The following RTN4 variants were observed in gnomAD, a reference collection of about 807,000 sequenced individuals.
RTN4 encodes the protein reticulon-4.
A neutral mutation model predicts 90.4 loss-of-function variants in RTN4; 32 were observed. That is an observed-to-expected ratio of 0.35 (90% CI 0.27 to 0.48). RTN4 has a LOEUF of 0.48. Among genes scored for constraint, RTN4 ranks in the 20% least tolerant of loss-of-function variants. The pLI is 0.99. For synonymous variants in RTN4, 629 were observed against 552.5 expected (o/e 1.14, Z -1.94); for missense variants, 1,706 against 1,430.2 (o/e 1.19, Z -3.11).
intron 2 of RTN4, among the ~76,000 whole-genome samples, chr2:55,062,325 C>CT (rs1668313569): frequency 6.6e-6 from 1 of 152,130 alleles, no homozygotes; most frequent in Non-Finnish European, 1.5e-5. Context: ...ATTGAGCTGA[C>CT]TAACACAAGC....
intron 4 of RTN4, among the ~76,000 whole-genome samples, chr2:54,984,270 G>C (rs1351773044): frequency 6.6e-6 from 1 of 152,036 alleles, no homozygotes; most frequent in African/African-American, 2.4e-5. Flanking sequence ...CTGAAATATA[G>C]ACACATGTAT....
At chr2:54,979,431 G>C (rs1677941041) in intron 5 of RTN4, among the ~76,000 whole-genome samples, 1 of 152,170 alleles carries the variant, frequency 6.6e-6, no homozygotes, top group African/African-American at 2.4e-5. Flanking sequence ...GCCATACACA[G>C]AAGTCTCTCT....
At chr2:55,072,965 C>T (rs1350977713) in intron 2 of RTN4, among the ~76,000 whole-genome samples, 1 of 152,182 alleles carries the variant, frequency 6.6e-6, no homozygotes, top group African/African-American at 2.4e-5. Context: ...AGTTGCTCGG[C>T]TCAGTTGCTC....
chr2:55,055,555 C>G (rs998592575), upstream of RTN4, among the ~76,000 whole-genome samples: 2 of 152,064 alleles, frequency 1.3e-5, no homozygotes, highest in Non-Finnish European at 1.5e-5. Flanking sequence ...ATCACGAGGT[C>G]AGGAGATCAG....
At chr2:55,023,959 T>C (rs2104850198) in intron 3 of RTN4, among the ~76,000 whole-genome samples, 1 of 152,310 alleles carries the variant, frequency 6.6e-6, no homozygotes, top group South Asian at 2.1e-4. Context: ...CTTTAATTTC[T>C]ATCTCTAAGC....
At chr2:54,983,321 T>TAATAAATAAATA (rs142672156) in intron 4 of RTN4, among the ~76,000 whole-genome samples, 820 of 148,224 alleles carry the variant, frequency 5.5e-3, no homozygotes, top group African/African-American at 0.019. Context: ...ATTGTATTGG[T>TAATAAATAAATA]AATAAATAAA....
intron 1 of RTN4, among the ~76,000 whole-genome samples, chr2:55,097,499 G>A (rs1320967057): frequency 6.6e-6 from 1 of 152,072 alleles, no homozygotes; most frequent in Non-Finnish European, 1.5e-5. Flanking sequence ...GGCAGAAAGA[G>A]CAGTTGGAAG....
At chr2:55,016,689 T>C (rs1486557772) in intron 3 of RTN4, among the ~76,000 whole-genome samples, 1 of 152,234 alleles carries the variant, frequency 6.6e-6, no homozygotes, top group Non-Finnish European at 1.5e-5. Context: ...TATAATTTTT[T>C]TCATCTCAAT....
intron 5 of RTN4, among the ~76,000 whole-genome samples, chr2:54,980,608 G>A (rs974352887): frequency 2.0e-5 from 3 of 151,124 alleles, no homozygotes; most frequent in African/African-American, 7.2e-5. Flanking sequence ...CTCTGTTGCC[G>A]TGTTTATTGA....
chr2:55,129,821 A>C, the RTN4 span, among the ~76,000 whole-genome samples: 1 of 152,172 alleles, frequency 6.6e-6, no homozygotes, highest in East Asian at 1.9e-4. Flanking sequence ...TCGGACTCCC[A>C]AAGTGTTGCA....
chr2:55,037,930 G>T lies in RTN4; in HGVS notation c.557-9710C>A, dbSNP rs1030174630. Among the ~76,000 whole-genome samples, 6 of 152,174 alleles carry T rather than the reference G, an allele frequency of 3.9e-5. 1 individual carries two copies. Among genetic ancestry groups the T allele is most frequent in the Admixed American group, 3.3e-4 (5 of 15,274 alleles). On this transcript the variant is annotated intron_variant, in intron 1 of 8. Transcript: ENST00000337526. ...CTACAATAATCAAGTATTGGCATAA[G>T]GATAGACAAATCAGTAGAACAAAAT...
intron 3 of RTN4, among the ~76,000 whole-genome samples, chr2:55,020,158 C>A (rs1226948899): frequency 6.6e-6 from 1 of 151,890 alleles, no homozygotes; most frequent in Non-Finnish European, 1.5e-5. Flanking sequence ...CAATGCAATC[C>A]CTAATAAAAT....
intron 2 of RTN4, among the ~76,000 whole-genome samples, chr2:55,070,563 A>G (rs566417932): frequency 0.026 from 3,810 of 148,180 alleles, 68 homozygotes; most frequent in South Asian, 0.029. Context: ...AAAAAAAAAA[A>G]AAAGAAAGAA....
chr2:55,049,733 C>A lies in RTN4; in HGVS notation c.556+12G>T. 1 of 1,390,522 alleles carries A rather than the reference C, an allele frequency of 7.2e-7. No homozygotes were observed. Among genetic ancestry groups the A allele is most frequent in the Non-Finnish European group, 9.4e-7 (1 of 1,065,764 alleles). 86.1% of individuals were successfully genotyped at this position (1,390,522 alleles called of 1,614,324 possible). On this transcript the variant is annotated intron_variant, in intron 1 of 8. Coordinates refer to ENST00000337526, the MANE Select transcript of RTN4 (RefSeq NM_020532.5). Reference sequence around the variant, plus strand: ...CGAGGGGCGGCGCGAAGCGAGAGGTCGCGGCACTCACCCACTGAGCCCGAG... The same window carrying A: ...CGAGGGGCGGCGCGAAGCGAGAGGTAGCGGCACTCACCCACTGAGCCCGAG...
intron 3 of RTN4, among the ~76,000 whole-genome samples, chr2:54,990,970 G>A (rs1678969454): frequency 2.0e-5 from 3 of 151,808 alleles, no homozygotes; most frequent in African/African-American, 2.4e-5. Context: ...TTTTAGTAGA[G>A]ACGGGGTTTC....
At chr2:55,095,777 T>G (rs1049047586) in intron 1 of RTN4, among the ~76,000 whole-genome samples, 1 of 152,234 alleles carries the variant, frequency 6.6e-6, no homozygotes, top group Non-Finnish European at 1.5e-5. Context: ...TCAAATGCCC[T>G]TTTCCTGTTA....
intron 3 of RTN4, among the ~76,000 whole-genome samples, chr2:54,991,669 G>T (rs2580772): frequency 0.33 from 50,314 of 152,114 alleles, 9,408 homozygotes; most frequent in East Asian, 0.63. Context: ...TACTACTGGG[G>T]CATTATCTGT....
the RTN4 span, among the ~76,000 whole-genome samples, chr2:55,133,432 G>C: frequency 6.6e-6 from 1 of 151,986 alleles, no homozygotes; most frequent in Non-Finnish European, 1.5e-5. Flanking sequence ...TGTAAAAATT[G>C]TCAGAAAGGT....
chr2:55,090,861 C>G (rs528122419), intron 1 of RTN4, among the ~76,000 whole-genome samples: 1 of 152,334 alleles, frequency 6.6e-6, no homozygotes, highest in African/African-American at 2.4e-5. Flanking sequence ...CACTCAGTTG[C>G]TCAAGCCCCA....
Sources: gnomAD v4.1 joint callset for allele counts (sites outside exome capture counted in the v4.1 genomes callset) on GRCh38, gnomAD v4.1.1 for gene constraint, MANE v1.5 for transcripts, NCBI Gene and HGNC (gene_info 2026-07-23, HGNC 2026-07-21) for gene names.